The following UNC45A variants were observed in gnomAD, a reference collection of about 807,000 sequenced individuals.
The protein encoded by UNC45A is unc-45 myosin chaperone A.
Under a neutral mutation model 103.2 loss-of-function variants are expected in UNC45A, and 78 were observed. The ratio of observed to expected loss-of-function variants is 0.76; its 90% CI spans 0.63 to 0.91. The LOEUF (loss-of-function observed/expected upper bound fraction) is 0.91. UNC45A is among the 40% of genes least tolerant of loss of function. UNC45A has a pLI of 0.00. For missense variants in UNC45A, 1,193 were observed against 1,224.8 expected, an observed-to-expected ratio of 0.97 and a Z score of 0.39; for synonymous variants, 495 against 504.6, an observed-to-expected ratio of 0.98 and a Z score of 0.25.
chr15:90,933,750 C>G (rs2035886171), upstream of UNC45A: 1 of 294,952 alleles, frequency 3.4e-6, no homozygotes, highest in African/African-American at 2.2e-5. Context: ...GTTTGTTCTT[C>G]ATACTAATGG....
intron 17 of UNC45A, among the ~76,000 whole-genome samples, chr15:90,951,487 GC>G (rs1292391472): frequency 6.6e-6 from 1 of 152,180 alleles, no homozygotes. Flanking sequence ...ATGAGGCCGG[GC>G]GTGGTGGCTC....
At chr15:90,937,430 A>G (rs1407794515) in intron 4 of UNC45A, among the ~76,000 whole-genome samples, 1 of 152,190 alleles carries the variant, frequency 6.6e-6, no homozygotes, top group Admixed American at 6.5e-5. Flanking sequence ...TACATAGCAA[A>G]ACAATGCTAT....
chr15:90,932,017 C>T (rs752762730), upstream of UNC45A: 1 of 1,614,022 alleles, frequency 6.2e-7, no homozygotes, highest in South Asian at 1.1e-5. Flanking sequence ...GCCCCTAATC[C>T]CCATCCCAGG....
Position 90,948,487 on chromosome 15 carries a change from G to GT in UNC45A, c.1738-166dup, listed in dbSNP as rs1468775941. Reference sequence around the variant, plus strand: ...CGTTCTTCTTGGAGGAGCTGGGGAGGTCAAGTTTGTAAGCTCCCAAAGTCT... The same window carrying GT: ...CGTTCTTCTTGGAGGAGCTGGGGAGGTTCAAGTTTGTAAGCTCCCAAAGTCT... On this transcript the variant is annotated intron_variant, in intron 12 of 19. Transcript: ENST00000418476. 4 of 1,302,250 alleles carry GT rather than the reference G, an allele frequency of 3.1e-6. No individual in the cohort carries two copies. In the African/African-American group the frequency reaches 5.9e-5, roughly 19 times the overall value. The allele number at this position is 1,302,250 out of a possible 1,614,324, so 80.7% of individuals were successfully genotyped here.
intron 17 of UNC45A, among the ~76,000 whole-genome samples, chr15:90,951,386 A>G (rs145200733): frequency 6.6e-6 from 1 of 152,204 alleles, no homozygotes; most frequent in African/African-American, 2.4e-5. Flanking sequence ...GCAAAACAGT[A>G]GTGATGATGA....
Position 90,949,374 on chromosome 15 carries a change from C to G in UNC45A, c.1937C>G (p.Ser646Trp), listed in dbSNP as rs766048678. 1 of 1,613,664 alleles carries G rather than the reference C, an allele frequency of 6.2e-7. No homozygotes were observed. Among genetic ancestry groups the G allele is most frequent in the Admixed American group, 1.7e-5 (1 of 60,016 alleles). ...AAGCTGCTGGCAGCGGGTGTGGTGT[C>G]GGCCATGGTGTGCATGGTGAAGACG... Reference protein sequence around the residue: ...VKKLLAAGVVSAMVCMVKTES... With the variant: ...VKKLLAAGVVWAMVCMVKTES... The change falls in exon 14 of 20, where the codon TCG becomes TGG. Residue 646 changes from serine (S) to tryptophan (W), a missense_variant. Transcript: ENST00000418476.
upstream of UNC45A, chr15:90,931,053 G>A (rs2035771059): frequency 3.7e-6 from 2 of 543,300 alleles, no homozygotes. Context: ...GGGAGAGGCG[G>A]TGAGTGCATC....
At chr15:90,936,590 A>G in intron 4 of UNC45A, 130 bp downstream of exon 4, 1 of 1,076,712 alleles carries the variant, frequency 9.3e-7, no homozygotes, top group Non-Finnish European at 1.3e-6. Context: ...GGGAAAAGCA[A>G]ATTAAGATGA....
At chr15:90,936,141 C>G in intron 3 of UNC45A, 144 bp from the exon 4 acceptor site, 1 of 1,501,526 alleles carries the variant, frequency 6.7e-7, no homozygotes, top group Non-Finnish European at 8.9e-7. Flanking sequence ...CTGCAGCTAC[C>G]CTCACCTTTT....
intron 17 of UNC45A, among the ~76,000 whole-genome samples, chr15:90,951,550 C>T (rs1261642021): frequency 2.0e-5 from 3 of 152,068 alleles, no homozygotes; most frequent in African/African-American, 7.2e-5. Context: ...ATCACTGGAG[C>T]CCAGAAGTTC....
At chr15:90,944,622 C>G (rs1370509472) in intron 8 of UNC45A, among the ~76,000 whole-genome samples, 1 of 152,148 alleles carries the variant, frequency 6.6e-6, no homozygotes, top group Non-Finnish European at 1.5e-5. Context: ...CTTAGTTTTA[C>G]AGATGAGGAA....
chr15:90,946,734 G>C lies in UNC45A; in HGVS notation c.1320G>C (p.Glu440Asp). 6.2e-7 allele frequency: 1 copy of C among 1,613,888 alleles called. No homozygotes were observed. Residue 440 changes from glutamate (E) to aspartate (D), a missense_variant, in exon 10 of 20, where the codon GAG becomes GAC. By Grantham distance (45) the Glu-to-Asp change is conservative. Transcript: ENST00000418476. ...CCTTGGAGCTGAGCGGTGTCATGGA[G>C]AGTGTGATTGCTCTGTGTGCCTCTG... ...NRALELSGVM[E>D]SVIALCASEQ... is the part of the protein sequence containing the mutation.
rs764903715 is a variant in UNC45A, at chr15:90,935,675, C to T, written c.183C>T (p.His61=). 3 of 1,579,744 alleles carry T rather than the reference C, an allele frequency of 1.9e-6. No individual in the cohort carries two copies. Among genetic ancestry groups the T allele is most frequent in the Admixed American group, 1.9e-5 (1 of 52,744 alleles). ...DATPQDQAVL[H]RNRAACHLKL... is the part of the protein sequence containing the mutation. ...CGCCCCAGGACCAGGCCGTTCTGCA[C>T]CGGAACCGGGCCGCCTGCCACCTCA... is the stretch of plus-strand genomic sequence containing the variant. Residue 61 remains histidine, a synonymous_variant, in exon 2 of 20, where the codon CAC becomes CAT. Transcript: ENST00000418476.
upstream of UNC45A, chr15:90,932,423 G>A (rs558794439): frequency 1.1e-4 from 154 of 1,340,934 alleles, 2 homozygotes; most frequent in South Asian, 2.7e-3. Context: ...CGGCCGACGC[G>A]CCCACCGATG....
At position 90,950,559 on chromosome 15, in the gene UNC45A, G is replaced by T. The variant is rs1308951096; in HGVS notation, c.2247G>T (p.Gln749His). Residue 749 changes from glutamine (Q) to histidine (H), a missense_variant, in exon 17 of 20, where the codon CAG (glutamine) becomes CAT (histidine). Gln to His is a conservative substitution (Grantham distance 24). Coordinates refer to ENST00000418476, the MANE Select transcript of UNC45A (RefSeq NM_018671.5). ...SLLHLNCSGL[Q>H]NFEALMALTN... Reference sequence around the variant, plus strand: ...TGCACCTCAACTGCTCAGGCCTGCAGAACTTCGAGGCGCTCATGGCCCTAA... The same window carrying T: ...TGCACCTCAACTGCTCAGGCCTGCATAACTTCGAGGCGCTCATGGCCCTAA... The T allele has an allele frequency of 1.2e-6, 2 of 1,614,214 alleles. No homozygotes were observed. Among genetic ancestry groups the T allele is most frequent in the Admixed American group, 3.3e-5 (2 of 60,028 alleles).
intron 10 of UNC45A, 151 bp downstream of exon 10, chr15:90,947,065 T>A: frequency 1.1e-6 from 1 of 876,008 alleles, no homozygotes; most frequent in Non-Finnish European, 1.7e-6. Flanking sequence ...GGTGCATGCC[T>A]ATAGGTCCAG....
Position 90,954,019 on chromosome 15 carries a change from G to A in UNC45A, c.*303G>A, listed in dbSNP as rs973659866. ...TGGATCCTGGGGCATCTGGAAGGGC[G>A]CACACATCAGCAGCCTCACCAGCTG... is the stretch of plus-strand genomic sequence containing the variant. On this transcript the variant is annotated 3_prime_UTR_variant, in exon 20 of 20. Transcript: ENST00000418476. 5.0e-5 allele frequency: 21 copies of A among 418,450 alleles called. No homozygotes were observed. The highest frequency in any genetic ancestry group is 7.3e-5 in the Admixed American group (2 of 27,438). The allele number at this position is 418,450 out of a possible 1,614,324, so 25.9% of individuals were successfully genotyped here. A position where few individuals can be genotyped will look rare whatever the true frequency, so the allele number is the denominator to read the frequency against.
chr15:90,936,087 A>G (rs1567147642), intron 3 of UNC45A, 105 bp downstream of exon 3: 10 of 1,558,760 alleles, frequency 6.4e-6, no homozygotes, highest in Non-Finnish European at 8.7e-6. Context: ...CCCCAGAGAC[A>G]CATCTGCCTT....
In UNC45A at chr15:90,942,506, G is replaced by A. The variant is rs1441992330; in HGVS notation, c.757G>A (p.Val253Met). 6.2e-7 allele frequency: 1 copy of A among 1,614,078 alleles called. No homozygotes were observed. The highest frequency in any genetic ancestry group is 1.7e-5 in the Admixed American group (1 of 60,000). ...VSILGVESQA[V>M]SLAACHLLQV... ...CATCCTGGGCGTGGAAAGCCAGGCT[G>A]TGTCCCTGGCTGCCTGCCACCTGCT... is the stretch of plus-strand genomic sequence containing the variant. The change falls in exon 7 of 20, where the codon GTG becomes ATG. Residue 253 changes from valine (V) to methionine (M), a missense_variant. Val to Met is a conservative substitution (Grantham distance 21, BLOSUM62 1). Transcript: ENST00000418476.
Sources: allele counts gnomAD v4.1 joint callset (sites outside exome capture counted in the v4.1 genomes callset), GRCh38; gene constraint gnomAD v4.1.1; transcripts MANE v1.5; gene names NCBI Gene and HGNC (gene_info 2026-07-23, HGNC 2026-07-21).